PMS1: variants seen among roughly 807,000 people sequenced by gnomAD.
The protein encoded by PMS1 is PMS1 homolog 1, mismatch repair system component.
PMS1 carries 79 observed loss-of-function variants against 93.1 expected under a neutral mutation model. The ratio of observed to expected loss-of-function variants is 0.85; its 90% CI spans 0.71 to 1.02. The LOEUF is 1.02. Ranked by LOEUF, PMS1 falls within the 50% of genes least tolerant of loss-of-function variation. The pLI is 0.00. For missense variants in PMS1, 1,064 were observed against 1,085.3 expected (o/e 0.98, Z 0.28); for synonymous variants, 335 against 363.4 (o/e 0.92, Z 0.89).
At position 189,816,932 on chromosome 2, in the gene PMS1, A is replaced by G. The variant is rs957221670; in HGVS notation, c.419-1085A>G. On this transcript the variant is annotated intron_variant, in intron 4 of 12. Transcript: ENST00000441310. ...ATCCTAACTATAGGTGATGCACTCT[A>G]TTTTTCTAGTTTATTCTATCTTTTT... Among the ~76,000 whole-genome samples the G allele has an allele frequency of 6.6e-5, 10 of 151,840 alleles. 1 individual carries two copies. Among genetic ancestry groups the G allele is most frequent in the East Asian group, 1.9e-4 (1 of 5,198 alleles).
In PMS1 at chr2:189,865,184, T is replaced by C. The variant is rs964795119; in HGVS notation, c.2342+956T>C. Among the ~76,000 whole-genome samples the C allele has an allele frequency of 2.6e-5, 4 of 152,244 alleles. No homozygotes were observed. In the East Asian group the frequency reaches 7.7e-4, roughly 29 times the overall value. ...TTCCTCATTATCTCAAAATACCTTT[T>C]TTTCCAGTTTTTTAAAAAATTTATA... On this transcript the variant is annotated intron_variant, in intron 10 of 12. Transcript: ENST00000441310.
Position 189,853,954 on chromosome 2 carries a change from T to G in PMS1, c.838T>G (p.Tyr280Asp). Residue 280 changes from tyrosine to aspartate, a missense_variant, in exon 8 of 13, where the codon TAC becomes GAC. Physicochemically the swap from Tyr to Asp is radical, Grantham distance 160 (BLOSUM62 -3). Transcript: ENST00000441310. ...KDILKLIRHHYNLKCLKESTR... is the reference protein window; with the variant it reads ...KDILKLIRHHDNLKCLKESTR... ...GTATTTCTAGTTAATCCGACATCAT[T>G]ACAATCTGAAATGCCTAAAGGAATC... is the stretch of plus-strand genomic sequence containing the variant. 6.3e-7 allele frequency: 1 copy of G among 1,586,958 alleles called. No individual in the cohort carries two copies. The highest frequency in any genetic ancestry group is 8.6e-7 in the Non-Finnish European group (1 of 1,160,148).
intron 9 of PMS1, among the ~76,000 whole-genome samples, chr2:189,859,233 T>C (rs921661099): frequency 6.6e-6 from 1 of 152,222 alleles, no homozygotes; most frequent in African/African-American, 2.4e-5. Flanking sequence ...CTGTGCTAAG[T>C]AATATTCTAA....
chr2:189,861,177 A>C (rs1302780925), intron 9 of PMS1, among the ~76,000 whole-genome samples: 1 of 151,860 alleles, frequency 6.6e-6, no homozygotes, highest in Non-Finnish European at 1.5e-5. Context: ...GGTTAAAAGA[A>C]TATATTTCAG....
chr2:189,826,213 A>G (rs1442921825), intron 5 of PMS1, among the ~76,000 whole-genome samples: 4 of 152,196 alleles, frequency 2.6e-5, no homozygotes, highest in Non-Finnish European at 2.9e-5. Flanking sequence ...GTTAAGGGTC[A>G]GTTCCCCTCC....
intron 5 of PMS1, among the ~76,000 whole-genome samples, chr2:189,827,455 A>G (rs2052532197): frequency 6.6e-6 from 1 of 152,200 alleles, no homozygotes; most frequent in African/African-American, 2.4e-5. Flanking sequence ...TTTCTTAGAA[A>G]ATTGGAATTT....
chr2:189,816,120 T>C (rs1319887560), intron 4 of PMS1, among the ~76,000 whole-genome samples: 1 of 152,170 alleles, frequency 6.6e-6, no homozygotes, highest in African/African-American at 2.4e-5. Flanking sequence ...TGGTCTCTAC[T>C]TCCTGGGCTC....
intron 9 of PMS1, among the ~76,000 whole-genome samples, chr2:189,860,283 T>G (rs1273967342): frequency 6.6e-6 from 1 of 152,206 alleles, no homozygotes; most frequent in Non-Finnish European, 1.5e-5. Context: ...ACTAGTTTGG[T>G]TTTGCCAGTA....
At chr2:189,803,042 C>T (rs1156952892) in intron 3 of PMS1, among the ~76,000 whole-genome samples, 1 of 152,152 alleles carries the variant, frequency 6.6e-6, no homozygotes, top group Non-Finnish European at 1.5e-5. Flanking sequence ...GGCAGGCAGG[C>T]ATACTCACAT....
chr2:189,858,276 T>G (rs1219376902), intron 9 of PMS1, among the ~76,000 whole-genome samples: 1 of 152,146 alleles, frequency 6.6e-6, no homozygotes, highest in Admixed American at 6.5e-5. Context: ...CTCACTCAGT[T>G]GACGTTAGCT....
intron 4 of PMS1, among the ~76,000 whole-genome samples, chr2:189,816,539 A>G (rs987955401): frequency 1.3e-5 from 2 of 152,174 alleles, no homozygotes; most frequent in Non-Finnish European, 2.9e-5. Context: ...TCTCCTTATA[A>G]TGAAGTAAGC....
chr2:189,837,327 CTA>C (rs2053475398), intron 5 of PMS1, among the ~76,000 whole-genome samples: 1 of 151,898 alleles, frequency 6.6e-6, no homozygotes, highest in Non-Finnish European at 1.5e-5. Context: ...CAGGGTCACA[CTA>C]TGTTGCCCAG....
At chr2:189,801,822 G>T (rs2049915020) in intron 3 of PMS1, among the ~76,000 whole-genome samples, 1 of 152,082 alleles carries the variant, frequency 6.6e-6, no homozygotes, top group Admixed American at 6.5e-5. Flanking sequence ...ACAGATGCAA[G>T]TTATTTCTAC....
rs144113468 is a variant in PMS1, at chr2:189,803,702, A to G, written c.316-1950A>G. Among the ~76,000 whole-genome samples the G allele has an allele frequency of 6.7e-4, 102 of 152,334 alleles. 1 individual carries two copies. The highest frequency in any genetic ancestry group is 1.2e-4 in the Non-Finnish European group (8 of 68,030). On this transcript the variant is annotated intron_variant, in intron 3 of 12. Transcript: ENST00000441310. ...ATATGATGAAACAAACTCTCGAAATACAATTCCCTTTCCTTCCTCTGTGGA... is the reference window on the plus strand; with the variant it reads ...ATATGATGAAACAAACTCTCGAAATGCAATTCCCTTTCCTTCCTCTGTGGA...
chr2:189,814,886 A>G (rs1271373001), intron 4 of PMS1, among the ~76,000 whole-genome samples: 1 of 152,116 alleles, frequency 6.6e-6, no homozygotes, highest in Admixed American at 6.5e-5. Context: ...TCACGAGGTC[A>G]GGAGATCGAG....
In PMS1 at chr2:189,836,106, A is replaced by G. The variant is rs147860097; in HGVS notation, c.583-7858A>G. Among the ~76,000 whole-genome samples the G allele has an allele frequency of 2.1e-3, 325 of 152,326 alleles. 3 individuals carry two copies. Among genetic ancestry groups the G allele is most frequent in the African/African-American group, 7.3e-3 (304 of 41,570 alleles). Reference sequence around the variant, plus strand: ...TTAGCATTGTACTATTCACTTAACTATGCATCATCTGTGTGCAGCCTACAT... The same window carrying G: ...TTAGCATTGTACTATTCACTTAACTGTGCATCATCTGTGTGCAGCCTACAT... On this transcript the variant is annotated intron_variant, in intron 5 of 12. Transcript: ENST00000441310.
At chr2:189,845,522 A>G (rs555438424) in intron 6 of PMS1, among the ~76,000 whole-genome samples, 1 of 151,912 alleles carries the variant, frequency 6.6e-6, no homozygotes, top group East Asian at 1.9e-4. Flanking sequence ...ATAAAATCCA[A>G]CTCTTAGTCA....
chr2:189,832,601 G>A (rs1275930938), intron 5 of PMS1, among the ~76,000 whole-genome samples: 1 of 152,142 alleles, frequency 6.6e-6, no homozygotes, highest in Non-Finnish European at 1.5e-5. Flanking sequence ...GGGTAGCTGG[G>A]ACTACAGGCG....
chr2:189,864,666 AAAAAAAAAAAAAAAAAAAAAAATAT>A (rs2106513766), intron 10 of PMS1, among the ~76,000 whole-genome samples: 1 of 31,932 alleles, frequency 3.1e-5, no homozygotes, highest in South Asian at 1.2e-3. Context: ...AGAAAAAAAA[AAAAAAAAAAAAAAAAAAAAAAATAT>A]ATATATATAT....
Sources: allele counts gnomAD v4.1 joint callset (sites outside exome capture counted in the v4.1 genomes callset), GRCh38; gene constraint gnomAD v4.1.1; transcripts MANE v1.5; gene names NCBI Gene and HGNC (gene_info 2026-07-23, HGNC 2026-07-21).